The following NRXN3 variants were observed in gnomAD, a reference collection of about 807,000 sequenced individuals.
NRXN3 encodes neurexin III.
Under a neutral mutation model 137.6 loss-of-function variants are expected in NRXN3, and 32 were observed. The observed-to-expected ratio is 0.23, with a 90% CI of 0.18 to 0.31. The LOEUF (loss-of-function observed/expected upper bound fraction) is 0.31. Among genes scored for constraint, NRXN3 ranks in the 10% least tolerant of loss-of-function variants. The probability of loss-of-function intolerance (pLI) is 1.00; values close to 1 mark genes in which losing one functional copy is unlikely to be tolerated. For synonymous variants in NRXN3, 798 were observed against 784.5 expected (o/e 1.02, Z -0.29); for missense variants, 1,574 against 2,062.5 (o/e 0.76, Z 4.59).
rs142716486 is a variant in NRXN3 at position 78,864,559 on chromosome 14, G to A, written c.2275+54215G>A. On this transcript the variant is annotated intron_variant, in intron 10 of 20. Coordinates refer to ENST00000335750, the MANE Select transcript of NRXN3 (RefSeq NM_001330195.2). The stretch of plus-strand genomic sequence containing the variant: ...TGGTCATTATGAGTACTTGCCACAA[G>A]TATATAGGAGATAAAAGATTTATTT... 2.6e-5 allele frequency among the ~76,000 whole-genome samples: 4 copies of A among 152,234 alleles called. No homozygotes were observed. The East Asian group carries it at 7.7e-4, about 29-fold the overall frequency.
chr14:78,349,212 A>G (rs1328000586), intron 4 of NRXN3, among the ~76,000 whole-genome samples: 30 of 152,246 alleles, frequency 2.0e-4, no homozygotes, highest in Admixed American at 2.0e-3. Context: ...TGTGCCTGCT[A>G]ACGAATATTG....
At chr14:79,754,587 C>T (rs4992342) in intron 19 of NRXN3, among the ~76,000 whole-genome samples, 69,813 of 127,072 alleles carry the variant, frequency 0.55, 20,469 homozygotes, top group Middle Eastern at 0.76. Flanking sequence ...CACACACACA[C>T]ACATATATAT....
At chr14:79,237,707 C>T (rs970694037) in intron 15 of NRXN3, among the ~76,000 whole-genome samples, 1 of 152,108 alleles carries the variant, frequency 6.6e-6, no homozygotes, top group Non-Finnish European at 1.5e-5. Context: ...CTCATCCACC[C>T]TACCCTGGAG....
chr14:78,598,189 A>G (rs1227006198), intron 4 of NRXN3, among the ~76,000 whole-genome samples: 3 of 152,246 alleles, frequency 2.0e-5, no homozygotes, highest in African/African-American at 4.8e-5. Context: ...TGATGGAACC[A>G]GAGCCAGAGG....
chr14:79,042,679 T>C (rs2152538708), intron 15 of NRXN3, among the ~76,000 whole-genome samples: 1 of 152,320 alleles, frequency 6.6e-6, no homozygotes, highest in Non-Finnish European at 1.5e-5. Flanking sequence ...TCCTTTTCAT[T>C]CTTTATGATC....
intron 19 of NRXN3, among the ~76,000 whole-genome samples, chr14:79,777,103 T>C (rs2099099459): frequency 1.3e-5 from 2 of 152,146 alleles, no homozygotes; most frequent in African/African-American, 4.8e-5. Flanking sequence ...TATGGACTCT[T>C]GTGGCAGAGG....
At chr14:79,513,192 G>A (rs765456511) in intron 16 of NRXN3, among the ~76,000 whole-genome samples, 2 of 152,200 alleles carry the variant, frequency 1.3e-5, no homozygotes, top group African/African-American at 4.8e-5. Flanking sequence ...ACATTGGAAA[G>A]CTATCTTTTG....
chr14:78,579,022 T>C (rs2096965117), intron 4 of NRXN3, among the ~76,000 whole-genome samples: 1 of 152,078 alleles, frequency 6.6e-6, no homozygotes, highest in Non-Finnish European at 1.5e-5. Context: ...CAACCTATTA[T>C]AGAATTCAGA....
chr14:78,858,153 A>G (rs1388967809), intron 10 of NRXN3, among the ~76,000 whole-genome samples: 1 of 152,156 alleles, frequency 6.6e-6, no homozygotes, highest in East Asian at 1.9e-4. Flanking sequence ...CAGGAATTCC[A>G]TCTGCAGAAG....
chr14:79,043,746 C>A (rs909466271), intron 15 of NRXN3, among the ~76,000 whole-genome samples: 3 of 152,108 alleles, frequency 2.0e-5, no homozygotes, highest in African/African-American at 7.2e-5. Context: ...GAATCTAGTT[C>A]TATCAAGTGT....
chr14:79,635,416 GA>G (rs1050560407), intron 16 of NRXN3, among the ~76,000 whole-genome samples: 1 of 152,202 alleles, frequency 6.6e-6, no homozygotes, highest in African/African-American at 2.4e-5. Flanking sequence ...TCCAGGAATG[GA>G]AAGTGGGAAT....
At chr14:79,438,540 T>C (rs771455422) in intron 15 of NRXN3, among the ~76,000 whole-genome samples, 3 of 152,340 alleles carry the variant, frequency 2.0e-5, no homozygotes, top group Middle Eastern at 3.4e-3. Context: ...TAGACTAGAT[T>C]TTTCAAGTAA....
intron 4 of NRXN3, among the ~76,000 whole-genome samples, chr14:78,513,818 C>T (rs1215718098): frequency 6.6e-6 from 1 of 152,110 alleles, no homozygotes; most frequent in African/African-American, 2.4e-5. Context: ...TTCATTTACT[C>T]CTATTTCCTG....
At chr14:78,767,981 A>C (rs894469943) in intron 8 of NRXN3, among the ~76,000 whole-genome samples, 1 of 151,780 alleles carries the variant, frequency 6.6e-6, no homozygotes, top group Non-Finnish European at 1.5e-5. Flanking sequence ...CACATATAAA[A>C]TTTGTCCTTC....
intron 4 of NRXN3, among the ~76,000 whole-genome samples, chr14:78,393,302 A>G (rs530684367): frequency 4.1e-4 from 62 of 152,200 alleles, no homozygotes; most frequent in African/African-American, 1.4e-3. Context: ...AGTTTCCTCT[A>G]TAGTAACATC....
intron 10 of NRXN3, among the ~76,000 whole-genome samples, chr14:78,840,166 TA>T (rs1339789399): frequency 6.6e-6 from 1 of 152,166 alleles, no homozygotes; most frequent in Non-Finnish European, 1.5e-5. Context: ...GGAATGGACA[TA>T]AAGAGATTAT....
At chr14:78,763,356 G>T (rs12892572) in intron 8 of NRXN3, among the ~76,000 whole-genome samples, 10,069 of 152,120 alleles carry the variant, frequency 0.066, 467 homozygotes, top group South Asian at 0.14. Context: ...TCATTCCCCA[G>T]ATCTTCAAAG....
intron 10 of NRXN3, among the ~76,000 whole-genome samples, chr14:78,880,742 G>A (rs1285105426): frequency 1.3e-5 from 2 of 152,114 alleles, no homozygotes; most frequent in Non-Finnish European, 2.9e-5. Flanking sequence ...GGAAGCTATT[G>A]TGTATATATA....
chr14:78,813,135 G>GA (rs1265235605), intron 10 of NRXN3, among the ~76,000 whole-genome samples: 1 of 152,042 alleles, frequency 6.6e-6, no homozygotes, highest in South Asian at 2.1e-4. Context: ...AAATCTTTAA[G>GA]AAAAAAACAT....
Sources: allele counts gnomAD v4.1 joint callset (sites outside exome capture counted in the v4.1 genomes callset), GRCh38; gene constraint gnomAD v4.1.1; transcripts MANE v1.5; gene names NCBI Gene and HGNC (gene_info 2026-07-23, HGNC 2026-07-21).